The following WDFY4 variants were observed in gnomAD, a reference collection of about 807,000 sequenced individuals.
WDFY4 encodes the protein WDFY family member 4, also known as WD repeat- and FYVE domain-containing protein 4.
A neutral mutation model predicts 351.9 loss-of-function variants in WDFY4; 169 were observed. That is an observed-to-expected ratio of 0.48 (90% CI 0.42 to 0.55). The LOEUF is 0.55. Among genes scored for constraint, WDFY4 ranks in the 20% least tolerant of loss-of-function variants. WDFY4 has a pLI of 0.00. For missense variants in WDFY4, 3,803 were observed against 3,935.6 expected, an observed-to-expected ratio of 0.97 and a Z score of 0.90; for synonymous variants, 1,622 against 1,574.6, an observed-to-expected ratio of 1.03 and a Z score of -0.71.
chr10:48,855,198 T>C (rs1173834615), intron 39 of WDFY4, among the ~76,000 whole-genome samples: 3 of 152,152 alleles, frequency 2.0e-5, no homozygotes, highest in Non-Finnish European at 4.4e-5. Flanking sequence ...GAGGATAATA[T>C]ACATAGGGAA....
chr10:48,692,381 C>T (rs1335021642), intron 1 of WDFY4, among the ~76,000 whole-genome samples: 4 of 152,280 alleles, frequency 2.6e-5, no homozygotes, highest in Admixed American at 6.5e-5. Context: ...TGCCAGTGGG[C>T]GGGATCCTCA....
At chr10:48,812,273 G>A (rs550851509) in intron 30 of WDFY4, among the ~76,000 whole-genome samples, 22 of 142,278 alleles carry the variant, frequency 1.5e-4, no homozygotes, top group African/African-American at 5.6e-4. Context: ...CACTGCAACC[G>A]CTGCTTTCTG....
chr10:48,878,113 G>T (rs1304367064), intron 43 of WDFY4: 1 of 152,368 alleles, frequency 6.6e-6, no homozygotes, highest in Non-Finnish European at 1.5e-5. Flanking sequence ...GCATAAGAGA[G>T]GTGCTCATCA....
At chr10:48,903,436 G>A (rs1837460849) in intron 47 of WDFY4, among the ~76,000 whole-genome samples, 1 of 152,238 alleles carries the variant, frequency 6.6e-6, no homozygotes, top group African/African-American at 2.4e-5. Flanking sequence ...ATTGCTGGAG[G>A]CTGTTGCAGT....
chr10:48,908,307 T>C (rs1837730848), intron 47 of WDFY4, among the ~76,000 whole-genome samples: 1 of 152,234 alleles, frequency 6.6e-6, no homozygotes, highest in African/African-American at 2.4e-5. Context: ...AGCAACCCAC[T>C]GGTTCAAGGT....
chr10:48,950,710 T>A (rs1310020060), intron 51 of WDFY4, among the ~76,000 whole-genome samples: 2 of 152,194 alleles, frequency 1.3e-5, no homozygotes, highest in Non-Finnish European at 2.9e-5. Flanking sequence ...AAGGGACATG[T>A]GCCATTTTCA....
intron 11 of WDFY4, among the ~76,000 whole-genome samples, chr10:48,740,569 A>C (rs952007299): frequency 6.6e-6 from 1 of 152,230 alleles, no homozygotes; most frequent in Admixed American, 6.5e-5. Context: ...ATCCTGGAGG[A>C]ACCTACTCCA....
intron 9 of WDFY4, among the ~76,000 whole-genome samples, chr10:48,732,009 C>A (rs116584076): frequency 6.6e-6 from 1 of 152,120 alleles, no homozygotes; most frequent in African/African-American, 2.4e-5. Context: ...TGGGGTCTTG[C>A]GGGCCCAGCA....
intron 14 of WDFY4, among the ~76,000 whole-genome samples, chr10:48,774,959 G>A (rs999188637): frequency 4.6e-5 from 7 of 151,890 alleles, no homozygotes; most frequent in Non-Finnish European, 8.8e-5. Context: ...TAGACAAAGA[G>A]AGGAGGGAAC....
At position 48,886,731 on chromosome 10, in the gene WDFY4, T is replaced by A. The variant is rs139304144; in HGVS notation, c.7168-3848T>A. On this transcript the variant is annotated intron_variant, in intron 43 of 61. Coordinates refer to ENST00000325239, the MANE Select transcript of WDFY4 (RefSeq NM_001394531.1). ...GCAGCAGATAATGGACTAAGACACC[T>A]TCTAACTTTCGCTCCAGCATTTTGT... 2.0e-5 allele frequency among the ~76,000 whole-genome samples: 3 copies of A among 152,338 alleles called. No homozygotes were observed. In the East Asian group the frequency reaches 5.8e-4, roughly 29 times the overall value.
At chr10:48,972,248 G>A (rs1460131477) in intron 57 of WDFY4, among the ~76,000 whole-genome samples, 1 of 152,130 alleles carries the variant, frequency 6.6e-6, no homozygotes, top group Admixed American at 6.5e-5. Context: ...CCTGTGGACA[G>A]GAAAGTCATC....
chr10:48,836,401 G>A (rs1325795573), intron 39 of WDFY4, among the ~76,000 whole-genome samples: 8 of 152,178 alleles, frequency 5.3e-5, no homozygotes, highest in Admixed American at 2.6e-4. Flanking sequence ...ACAAGTGCAT[G>A]AAATTGGGGT....
chr10:48,685,314 C>T lies in WDFY4; in HGVS notation c.-18+313C>T, dbSNP rs139055462. Among the ~76,000 whole-genome samples, 478 of 152,332 alleles carry T rather than the reference C, an allele frequency of 3.1e-3. 1 individual carries two copies. Among genetic ancestry groups the T allele is most frequent in the Admixed American group, 6.5e-3 (99 of 15,302 alleles). On this transcript the variant is annotated intron_variant, in intron 1 of 61. Transcript: ENST00000325239. The stretch of plus-strand genomic sequence containing the variant: ...CTCGACCTCTGACGGTAGGTCAAGT[C>T]CTTTCTCGGGGTCCTGCTATGAAGG...
At chr10:48,749,847 G>A (rs1488708358) in intron 12 of WDFY4, among the ~76,000 whole-genome samples, 1 of 152,176 alleles carries the variant, frequency 6.6e-6, no homozygotes, top group East Asian at 1.9e-4. Flanking sequence ...TCTTGCTTCT[G>A]CCTTAGCATA....
intron 36 of WDFY4, among the ~76,000 whole-genome samples, 200 bp from the exon 37 acceptor site, chr10:48,828,578 C>T (rs1219009718): frequency 6.6e-6 from 1 of 152,156 alleles, no homozygotes; most frequent in South Asian, 2.1e-4. Flanking sequence ...AAGTGTTTCT[C>T]CTACTATTCA....
intron 43 of WDFY4, among the ~76,000 whole-genome samples, chr10:48,884,591 A>C (rs1414895870): frequency 3.9e-5 from 6 of 152,012 alleles, no homozygotes; most frequent in African/African-American, 1.5e-4. Flanking sequence ...ACACATATGC[A>C]TACACATACA....
intron 6 of WDFY4, among the ~76,000 whole-genome samples, chr10:48,727,096 T>G (rs1328728348): frequency 2.6e-5 from 4 of 152,324 alleles, no homozygotes; most frequent in South Asian, 4.1e-4. Context: ...CATCCTCCCC[T>G]GCATTTTTCA....
intron 45 of WDFY4, 103 bp from the exon 46 acceptor site, chr10:48,900,118 T>A: frequency 1.0e-6 from 1 of 978,868 alleles, no homozygotes; most frequent in Non-Finnish European, 1.5e-6. Context: ...AAGGGTCTTC[T>A]GACACGGAGA....
intron 55 of WDFY4, 71 bp downstream of exon 55, chr10:48,966,744 G>A (rs1842101521): frequency 6.6e-7 from 1 of 1,509,040 alleles, no homozygotes; most frequent in Non-Finnish European, 8.9e-7. Flanking sequence ...GGTTCCTCTG[G>A]AGGTCCAGCA....
Sources: allele counts gnomAD v4.1 joint callset (sites outside exome capture counted in the v4.1 genomes callset), GRCh38; gene constraint gnomAD v4.1.1; transcripts MANE v1.5; gene names NCBI Gene and HGNC (gene_info 2026-07-23, HGNC 2026-07-21).